Variants in RIMS1 observed in about 807,000 individuals in gnomAD.
RIMS1 encodes the protein regulating synaptic membrane exocytosis protein 1.
Under a neutral mutation model 214.1 loss-of-function variants are expected in RIMS1, and 83 were observed. The ratio of observed to expected loss-of-function variants is 0.39; its 90% CI spans 0.32 to 0.47. RIMS1 has a LOEUF of 0.47. RIMS1 is among the 20% of genes least tolerant of loss of function. The pLI, the probability that RIMS1 is intolerant of heterozygous loss-of-function variation, is 0.99. For missense variants in RIMS1, 2,050 were observed against 2,161.8 expected (o/e 0.95, Z 1.03); for synonymous variants, 793 against 786.8 (o/e 1.01, Z -0.13).
At chr6:72,098,124 A>C (rs1036268278) in intron 3 of RIMS1, among the ~76,000 whole-genome samples, 1 of 152,262 alleles carries the variant, frequency 6.6e-6, no homozygotes, top group Admixed American at 6.5e-5. Flanking sequence ...AAATAACACG[A>C]AATCTTTAAG....
intron 9 of RIMS1, among the ~76,000 whole-genome samples, chr6:72,239,918 C>G (rs911441131): frequency 6.6e-6 from 1 of 150,660 alleles, no homozygotes; most frequent in Non-Finnish European, 1.5e-5. Context: ...TGTTGAAGGC[C>G]TTTCCATCCT....
chr6:71,989,649 T>C (rs991337397), intron 2 of RIMS1, among the ~76,000 whole-genome samples: 4 of 152,212 alleles, frequency 2.6e-5, no homozygotes, highest in Admixed American at 2.6e-4. Flanking sequence ...AGTTTCTTGA[T>C]TACATTTGGT....
intron 2 of RIMS1, among the ~76,000 whole-genome samples, chr6:72,026,379 A>G (rs960408545): frequency 4.0e-5 from 6 of 151,884 alleles, no homozygotes. Flanking sequence ...TGTCAATTGA[A>G]CAATGTATAA....
At chr6:71,927,191 C>G (rs1781805219) in intron 1 of RIMS1, among the ~76,000 whole-genome samples, 1 of 152,146 alleles carries the variant, frequency 6.6e-6, no homozygotes, top group Non-Finnish European at 1.5e-5. Flanking sequence ...GAATCTTTCT[C>G]AATACCTGTG....
intron 4 of RIMS1, among the ~76,000 whole-genome samples, chr6:72,134,478 C>T (rs910551331): frequency 3.3e-5 from 5 of 151,856 alleles, no homozygotes; most frequent in African/African-American, 1.2e-4. Flanking sequence ...AGGAAAATAA[C>T]AGAAAAACAT....
At chr6:72,257,662 G>A (rs1297602530) in intron 16 of RIMS1, among the ~76,000 whole-genome samples, 2 of 152,010 alleles carry the variant, frequency 1.3e-5, no homozygotes, top group African/African-American at 2.4e-5. Context: ...TATTAAAGAG[G>A]CCACCTGCAA....
chr6:71,893,824 G>T (rs573187919), intron 1 of RIMS1, among the ~76,000 whole-genome samples: 3 of 152,254 alleles, frequency 2.0e-5, no homozygotes, highest in African/African-American at 7.2e-5. Context: ...CTGTTCATAC[G>T]AATGCTTACT....
At chr6:72,320,322 C>G (rs2096076627) in intron 28 of RIMS1, among the ~76,000 whole-genome samples, 1 of 152,086 alleles carries the variant, frequency 6.6e-6, no homozygotes, top group Non-Finnish European at 1.5e-5. Context: ...AGGACTTCAG[C>G]AACTTCAACT....
intron 16 of RIMS1, among the ~76,000 whole-genome samples, chr6:72,255,207 G>A (rs2075278179): frequency 6.6e-6 from 1 of 152,154 alleles, no homozygotes; most frequent in African/African-American, 2.4e-5. Flanking sequence ...AAAATAAAGT[G>A]AGGTGATAAG....
chr6:72,354,605 A>C (rs1309902829), intron 29 of RIMS1, among the ~76,000 whole-genome samples: 1 of 152,194 alleles, frequency 6.6e-6, no homozygotes, highest in Non-Finnish European at 1.5e-5. Flanking sequence ...GTTACTTTTT[A>C]AGTGAGAGAG....
At position 72,152,775 on chromosome 6, in the gene RIMS1, T is replaced by G. The variant is rs529192519; in HGVS notation, c.472-26800T>G. ...TGTATATATATGGAATATATGTATA[T>G]ATATGTATATATATGGAATATATGT... On this transcript the variant is annotated intron_variant, in intron 4 of 33. Transcript: ENST00000521978. 9.9e-4 allele frequency among the ~76,000 whole-genome samples: 123 copies of G among 124,402 alleles called. 2 individuals are homozygous for G. Among genetic ancestry groups the G allele is most frequent in the African/African-American group, 3.8e-3 (120 of 31,292 alleles). 81.6% of individuals were successfully genotyped at this position (124,402 alleles called of 152,430 possible). A position where few individuals can be genotyped will look rare whatever the true frequency, so the allele number is the denominator to read the frequency against.
intron 31 of RIMS1, among the ~76,000 whole-genome samples, chr6:72,397,334 A>G (rs867367792): frequency 6.6e-6 from 1 of 152,240 alleles, no homozygotes; most frequent in Non-Finnish European, 1.5e-5. Flanking sequence ...CATGGGCTAC[A>G]TAGTGCTCCT....
intron 1 of RIMS1, among the ~76,000 whole-genome samples, chr6:71,892,261 T>C (rs1770129950): frequency 6.6e-6 from 1 of 152,258 alleles, no homozygotes; most frequent in East Asian, 1.9e-4. Flanking sequence ...CTATGTATTA[T>C]GCATTTGACT....
chr6:72,376,475 T>C (rs776785693), intron 29 of RIMS1, among the ~76,000 whole-genome samples: 8 of 152,110 alleles, frequency 5.3e-5, no homozygotes, highest in Non-Finnish European at 1.2e-4. Flanking sequence ...GAAGAAGGGC[T>C]GGGCTCCGTG....
At chr6:72,138,697 G>C (rs551574417) in intron 4 of RIMS1, among the ~76,000 whole-genome samples, 1 of 151,972 alleles carries the variant, frequency 6.6e-6, no homozygotes, top group Non-Finnish European at 1.5e-5. Flanking sequence ...TTTGCATAAG[G>C]CACATTACAA....
In RIMS1 at chr6:72,188,049, T is replaced by G. The variant is rs2153977331; in HGVS notation, c.1678+4900T>G. ...GTGGAAGGCTGAAAGACTAAGCCAGTCTAGCCTTTTCATGTTCTTCTGCCT... is the reference window on the plus strand; with the variant it reads ...GTGGAAGGCTGAAAGACTAAGCCAGGCTAGCCTTTTCATGTTCTTCTGCCT... On this transcript the variant is annotated intron_variant, in intron 6 of 33. Coordinates refer to ENST00000521978, the MANE Select transcript of RIMS1 (RefSeq NM_014989.7). Among the ~76,000 whole-genome samples the G allele has an allele frequency of 2.0e-5, 3 of 152,312 alleles. No individual in the cohort carries two copies. In the South Asian group the frequency reaches 6.2e-4, roughly 32 times the overall value.
intron 6 of RIMS1, among the ~76,000 whole-genome samples, chr6:72,207,988 G>A (rs922241723): frequency 6.6e-6 from 1 of 152,086 alleles, no homozygotes; most frequent in African/African-American, 2.4e-5. Context: ...AATGGTTGGG[G>A]GCTTGCATTT....
intron 2 of RIMS1, among the ~76,000 whole-genome samples, chr6:72,095,305 C>T (rs1019679891): frequency 7.9e-5 from 12 of 151,924 alleles, no homozygotes; most frequent in African/African-American, 2.2e-4. Flanking sequence ...GTAAGATTGC[C>T]GGTGCCATTT....
intron 2 of RIMS1, among the ~76,000 whole-genome samples, chr6:71,991,241 A>T (rs944593014): frequency 2.6e-5 from 4 of 152,066 alleles, no homozygotes; most frequent in African/African-American, 4.8e-5. Context: ...TCTGGACTAT[A>T]TGAATCACTT....
Sources: gnomAD v4.1 joint callset for allele counts (sites outside exome capture counted in the v4.1 genomes callset) on GRCh38, gnomAD v4.1.1 for gene constraint, MANE v1.5 for transcripts, NCBI Gene and HGNC (gene_info 2026-07-23, HGNC 2026-07-21) for gene names.